Variants in FSTL5 observed in about 807,000 individuals in gnomAD.
FSTL5 encodes the protein follistatin-related protein 5.
Under a neutral mutation model 89.1 loss-of-function variants are expected in FSTL5, and 62 were observed. The observed-to-expected ratio is 0.70, with a 90% CI of 0.57 to 0.86. The LOEUF (loss-of-function observed/expected upper bound fraction) is 0.86, where lower values mean the gene tolerates loss of function less well. Among genes scored for constraint, FSTL5 ranks in the 40% least tolerant of loss-of-function variants. The pLI, the probability that FSTL5 is intolerant of heterozygous loss-of-function variation, is 0.00. For missense variants in FSTL5, 1,057 were observed against 1,001.6 expected (o/e 1.06, Z -0.75); for synonymous variants, 383 against 346.2 (o/e 1.11, Z -1.18).
chr4:161,468,526 T>C (rs1429780847), intron 13 of FSTL5, among the ~76,000 whole-genome samples: 1 of 152,164 alleles, frequency 6.6e-6, no homozygotes, highest in Non-Finnish European at 1.5e-5. Flanking sequence ...TGTACTGTTA[T>C]TCCCAGAGCA....
intron 4 of FSTL5, among the ~76,000 whole-genome samples, chr4:161,783,255 T>A (rs906838956): frequency 6.6e-6 from 1 of 152,180 alleles, no homozygotes; most frequent in African/African-American, 2.4e-5. Flanking sequence ...TAAATCATTA[T>A]CCTTAGAGTA....
At chr4:161,536,179 C>T (rs530953192) in intron 10 of FSTL5, among the ~76,000 whole-genome samples, 2 of 152,120 alleles carry the variant, frequency 1.3e-5, no homozygotes, top group East Asian at 1.9e-4. Context: ...GTACCCCAAA[C>T]CCCAGCACCA....
intron 2 of FSTL5, among the ~76,000 whole-genome samples, chr4:162,082,261 C>T (rs1298263511): frequency 6.6e-6 from 1 of 151,606 alleles, no homozygotes; most frequent in African/African-American, 2.4e-5. Context: ...TAGGAAATTA[C>T]TCATTGAGTC....
chr4:161,478,089 T>C (rs182824983), intron 13 of FSTL5, among the ~76,000 whole-genome samples: 28 of 152,220 alleles, frequency 1.8e-4, no homozygotes, highest in Admixed American at 1.6e-3. Flanking sequence ...AACTCATATA[T>C]GTATATACCA....
chr4:161,967,188 G>C (rs1319430583), intron 3 of FSTL5, among the ~76,000 whole-genome samples: 1 of 151,888 alleles, frequency 6.6e-6, no homozygotes. Flanking sequence ...TAGTCACCTT[G>C]TTACATCATC....
intron 7 of FSTL5, among the ~76,000 whole-genome samples, chr4:161,644,407 T>A (rs1376210320): frequency 1.3e-5 from 2 of 152,012 alleles, no homozygotes; most frequent in African/African-American, 4.8e-5. Context: ...ATGCCTGTAA[T>A]CCTAGCTACT....
intron 13 of FSTL5, among the ~76,000 whole-genome samples, chr4:161,471,977 A>AT (rs1560911205): frequency 2.9e-5 from 3 of 103,494 alleles, no homozygotes; most frequent in Non-Finnish European, 3.8e-5. Flanking sequence ...AATTTTCTTG[A>AT]TCTTTTTTTT....
chr4:161,476,183 TTTTTTG>T (rs1170968501), intron 13 of FSTL5, among the ~76,000 whole-genome samples: 6 of 105,816 alleles, frequency 5.7e-5, no homozygotes, highest in Admixed American at 2.1e-4. Flanking sequence ...GTTTTTTTTT[TTTTTTG>T]TTTGTTTGTT....
intron 5 of FSTL5, among the ~76,000 whole-genome samples, chr4:161,774,262 G>C (rs923383081): frequency 4.6e-5 from 7 of 152,076 alleles, no homozygotes; most frequent in Non-Finnish European, 8.8e-5. Context: ...GGAAGGCTTA[G>C]GGCCACCTGA....
chr4:161,872,128 G>GTTTTTTTGTT (rs1732282226), intron 4 of FSTL5, among the ~76,000 whole-genome samples: 1 of 64,146 alleles, frequency 1.6e-5, no homozygotes, highest in Non-Finnish European at 3.4e-5. Flanking sequence ...TTTGTAGTTT[G>GTTTTTTTGTT]TTTTTTTTTT....
At chr4:162,056,696 T>C (rs1445963817) in intron 2 of FSTL5, among the ~76,000 whole-genome samples, 2 of 152,302 alleles carry the variant, frequency 1.3e-5, no homozygotes, top group Non-Finnish European at 2.9e-5. Context: ...GAATCCTTAA[T>C]AAAACATTTT....
At chr4:161,840,778 T>C (rs1731185715) in intron 4 of FSTL5, among the ~76,000 whole-genome samples, 1 of 152,168 alleles carries the variant, frequency 6.6e-6, no homozygotes, top group Non-Finnish European at 1.5e-5. Flanking sequence ...AGTTGGGGCC[T>C]TTTCCAGATC....
intron 7 of FSTL5, among the ~76,000 whole-genome samples, chr4:161,608,985 C>T (rs999414414): frequency 2.0e-5 from 3 of 152,000 alleles, no homozygotes; most frequent in Non-Finnish European, 4.4e-5. Flanking sequence ...AACATAAATT[C>T]GGTCCCTTTT....
At chr4:162,079,866 AG>A (rs1368796086) in intron 2 of FSTL5, among the ~76,000 whole-genome samples, 3 of 151,536 alleles carry the variant, frequency 2.0e-5, no homozygotes, top group Non-Finnish European at 4.4e-5. Context: ...ATGAGGAGCA[AG>A]AAACTATTGT....
intron 7 of FSTL5, among the ~76,000 whole-genome samples, chr4:161,639,392 T>C (rs1383899238): frequency 1.3e-5 from 2 of 152,132 alleles, no homozygotes; most frequent in South Asian, 4.2e-4. Flanking sequence ...AACCGAAAAA[T>C]TGCTTAAAAC....
chr4:161,422,816 G>A (rs1221349409), intron 15 of FSTL5, among the ~76,000 whole-genome samples: 1 of 150,870 alleles, frequency 6.6e-6, no homozygotes. Flanking sequence ...TACAAAAGAA[G>A]TCAGCGTTGC....
intron 4 of FSTL5, among the ~76,000 whole-genome samples, chr4:161,783,924 C>A (rs1252266941): frequency 2.7e-5 from 4 of 148,798 alleles, no homozygotes; most frequent in Non-Finnish European, 5.9e-5. Flanking sequence ...TACCACCATG[C>A]CTGGCTAATT....
intron 6 of FSTL5, among the ~76,000 whole-genome samples, chr4:161,735,590 T>A (rs2126766267): frequency 6.6e-6 from 1 of 152,360 alleles, no homozygotes; most frequent in African/African-American, 2.4e-5. Flanking sequence ...TTGGATCACT[T>A]AATGCCAGAC....
intron 1 of FSTL5, among the ~76,000 whole-genome samples, chr4:162,132,229 A>G (rs972308049): frequency 4.6e-5 from 7 of 152,322 alleles, no homozygotes; most frequent in East Asian, 1.9e-4. Flanking sequence ...TGTTATCTAT[A>G]TAAGTACCCT....
Sources: allele counts gnomAD v4.1 joint callset (sites outside exome capture counted in the v4.1 genomes callset), GRCh38; gene constraint gnomAD v4.1.1; transcripts MANE v1.5; gene names NCBI Gene and HGNC (gene_info 2026-07-23, HGNC 2026-07-21).